The following MCM9 variants were observed in gnomAD, a reference collection of about 807,000 sequenced individuals.
MCM9 encodes the protein minichromosome maintenance 9 homologous recombination repair factor.
Under a neutral mutation model 72.8 loss-of-function variants are expected in MCM9, and 55 were observed. The ratio of observed to expected loss-of-function variants is 0.76; its 90% CI spans 0.61 to 0.95. The LOEUF (loss-of-function observed/expected upper bound fraction) is 0.95. MCM9 is among the 40% of genes least tolerant of loss of function. The pLI is 0.00. For synonymous variants in MCM9, 480 were observed against 503.4 expected, an observed-to-expected ratio of 0.95 and a Z score of 0.62; for missense variants, 1,279 against 1,377.0, an observed-to-expected ratio of 0.93 and a Z score of 1.13.
At position 118,814,407 on chromosome 6, in the gene MCM9, A is replaced by G. The variant is rs1773281409; in HGVS notation, c.*417T>C. ...TGAAAATACAAAAAAAAAAAAAAAA[A>G]GTAGAAAAGAGTTCATCTGCCTTGT... On this transcript the variant is annotated 3_prime_UTR_variant, in exon 14 of 14. Transcript: ENST00000619706. 6.5e-6 allele frequency: 1 copy of G among 153,100 alleles called. No individual in the cohort carries two copies. Among genetic ancestry groups the G allele is most frequent in the African/African-American group, 2.4e-5 (1 of 40,886 alleles). 9.5% of individuals were successfully genotyped at this position (153,100 alleles called of 1,614,324 possible). A position where few individuals can be genotyped will look rare whatever the true frequency, so the allele number is the denominator to read the frequency against.
In MCM9 at chr6:118,814,996, C is replaced by T. The variant is rs1455082461; in HGVS notation, c.3260G>A (p.Ser1087Asn). The change falls in exon 14 of 14, where the codon AGC becomes AAC. Residue 1087 changes from serine to asparagine, a missense_variant. By Grantham distance (46) the Ser-to-Asn change is conservative. Coordinates refer to ENST00000619706, the MANE Select transcript of MCM9 (RefSeq NM_017696.3). Reference protein sequence around the residue: ...ERKNRGERGPSSPPTTTAPMR... With the variant: ...ERKNRGERGPNSPPTTTAPMR... ...TGGAGCTGTGGTTGTAGGAGGGGAG[C>T]TTGGGCCTCTCTCACCTCGGTTCTT... is the stretch of plus-strand genomic sequence containing the variant. The T allele has an allele frequency of 3.2e-6, 5 of 1,550,264 alleles. No individual in the cohort carries two copies. Among genetic ancestry groups the T allele is most frequent in the Admixed American group, 2.0e-5 (1 of 50,942 alleles).
At chr6:118,883,169 G>A (rs1034314968) in intron 8 of MCM9, among the ~76,000 whole-genome samples, 1 of 151,500 alleles carries the variant, frequency 6.6e-6, no homozygotes, top group Admixed American at 6.6e-5. Context: ...AAGAATTCTG[G>A]ATTTGAAATG....
intron 8 of MCM9, among the ~76,000 whole-genome samples, chr6:118,888,283 G>C (rs1336960519): frequency 6.6e-6 from 1 of 152,070 alleles, no homozygotes; most frequent in African/African-American, 2.4e-5. Flanking sequence ...TCAGTAGATC[G>C]AGACCATCCT....
chr6:118,894,643 CG>C, intron 8 of MCM9: 1 of 840,722 alleles, frequency 1.2e-6, no homozygotes, highest in East Asian at 2.7e-5. Flanking sequence ...GGCTGCTCTG[CG>C]GAGGGAAACT....
Position 118,816,064 on chromosome 6 carries a change from G to C in MCM9, c.2192C>G (p.Ser731Ter), listed in dbSNP as rs1355418404. 1 of 1,550,152 alleles carries C rather than the reference G, an allele frequency of 6.5e-7. No individual in the cohort carries two copies. The highest frequency in any genetic ancestry group is 1.2e-5 in the South Asian group (1 of 84,002). Residue 731 changes from serine (S) to a stop codon, truncating the protein, a stop_gained, in exon 14 of 14, where the codon TCA becomes TGA. Coordinates refer to ENST00000619706, the MANE Select transcript of MCM9 (RefSeq NM_017696.3). LOFTEE classifies it low-confidence loss of function (END_TRUNC). Reference sequence around the variant, plus strand: ...ATCTCTGTTATTTTTGTGCTGAGCTGAATGTTTCCTACTTGTTGATCTATT... The same window carrying C: ...ATCTCTGTTATTTTTGTGCTGAGCTCAATGTTTCCTACTTGTTGATCTATT... Reference protein sequence around the residue: ...EPNRSTSRKHSAQHKNNRDDS... With the variant: ...EPNRSTSRKH
chr6:118,898,425 ATTTTTTTTT>A (rs34394511), intron 8 of MCM9, among the ~76,000 whole-genome samples: 1 of 140,524 alleles, frequency 7.1e-6, no homozygotes, highest in Non-Finnish European at 1.5e-5. Context: ...TTATGTAATA[ATTTTTTTTT>A]TTTTTTTTTG....
chr6:118,933,177 C>A (rs1369432571), intron 1 of MCM9, among the ~76,000 whole-genome samples: 1 of 152,122 alleles, frequency 6.6e-6, no homozygotes, highest in Non-Finnish European at 1.5e-5. Context: ...TAGCACTGGA[C>A]AGTTAGAAAC....
chr6:118,828,956 T>C, intron 10 of MCM9, 92 bp downstream of exon 10: 1 of 1,290,444 alleles, frequency 7.7e-7, no homozygotes, highest in Non-Finnish European at 1.1e-6. Flanking sequence ...ATAGCCTATC[T>C]TGGGTATTTA....
chr6:118,931,371 A>G, intron 3 of MCM9, 49 bp downstream of exon 3: 2 of 1,471,998 alleles, frequency 1.4e-6, no homozygotes, highest in African/African-American at 1.4e-5. Context: ...ATATTTTCTC[A>G]AAATCTTTCT....
chr6:118,864,681 G>A (rs939065414), intron 8 of MCM9, among the ~76,000 whole-genome samples: 1 of 152,172 alleles, frequency 6.6e-6, no homozygotes, highest in African/African-American at 2.4e-5. Context: ...TGGAGAAGAG[G>A]ATTTGTACTC....
At chr6:118,845,241 T>A (rs1395818868) in intron 9 of MCM9, among the ~76,000 whole-genome samples, 1 of 151,892 alleles carries the variant, frequency 6.6e-6, no homozygotes, top group Non-Finnish European at 1.5e-5. Flanking sequence ...AGAGAATAGG[T>A]TTGAAGATGA....
At chr6:118,831,696 C>T (rs1439856989) in intron 9 of MCM9, among the ~76,000 whole-genome samples, 3 of 152,060 alleles carry the variant, frequency 2.0e-5, no homozygotes, top group Non-Finnish European at 2.9e-5. Flanking sequence ...GTATACAGTG[C>T]GTAGTAGTGG....
At chr6:118,822,463 A>C (rs1278347585) in intron 13 of MCM9, among the ~76,000 whole-genome samples, 1 of 152,126 alleles carries the variant, frequency 6.6e-6, no homozygotes, top group African/African-American at 2.4e-5. Flanking sequence ...AGAACAGCAA[A>C]GATTGCTGCC....
rs1773373286 is a variant in MCM9 at position 118,815,738 on chromosome 6, G to A, written c.2518C>T (p.Leu840=). The A allele has an allele frequency of 6.5e-7, 1 of 1,544,388 alleles. No homozygotes were observed. ...AVSADKPDSV[L]THHVPRNLQK... ...AGGTTCCTGGGGACATGATGAGTCAGTACTGAGTCTGGTTTATCAGCAGAG... is the reference window on the plus strand; with the variant it reads ...AGGTTCCTGGGGACATGATGAGTCAATACTGAGTCTGGTTTATCAGCAGAG... The change falls in exon 14 of 14, where the codon CTG becomes TTG. Residue 840 remains leucine, a synonymous_variant. Transcript: ENST00000619706.
At chr6:118,917,916 C>T (rs73766838) in intron 5 of MCM9, 155 bp from the exon 6 acceptor site, 15 of 625,602 alleles carry the variant, frequency 2.4e-5, no homozygotes, top group African/African-American at 3.7e-5. Context: ...GGCAGAATAG[C>T]ACCCCAGATT....
chr6:118,839,637 T>C (rs1006362259), intron 9 of MCM9, among the ~76,000 whole-genome samples: 3 of 152,218 alleles, frequency 2.0e-5, no homozygotes, highest in Non-Finnish European at 4.4e-5. Flanking sequence ...TTGATGTTGA[T>C]GCTATTCCTT....
At chr6:118,916,215 C>T (rs1047481268) in intron 6 of MCM9, among the ~76,000 whole-genome samples, 1 of 150,454 alleles carries the variant, frequency 6.6e-6, no homozygotes, top group African/African-American at 2.4e-5. Context: ...AAAAAGAAAC[C>T]ATTTTAATTT....
At chr6:118,869,599 C>CAAAAAAAAAAAAAAAAAAAAAAAAAA in intron 8 of MCM9, among the ~76,000 whole-genome samples, 4 of 58,304 alleles carry the variant, frequency 6.9e-5, no homozygotes, top group Non-Finnish European at 9.8e-5. Flanking sequence ...AAAGGATTTA[C>CAAAAAAAAAAAAAAAAAAAAAAAAAA]AAAAAAAAAA....
At chr6:118,856,746 G>A (rs899693646) in intron 8 of MCM9, among the ~76,000 whole-genome samples, 1 of 152,094 alleles carries the variant, frequency 6.6e-6, no homozygotes, top group Non-Finnish European at 1.5e-5. Flanking sequence ...GGGCACAGTG[G>A]TGTGTGCACC....
Sources: allele counts gnomAD v4.1 joint callset (sites outside exome capture counted in the v4.1 genomes callset), GRCh38; gene constraint gnomAD v4.1.1; transcripts MANE v1.5; gene names NCBI Gene and HGNC (gene_info 2026-07-23, HGNC 2026-07-21).